Variants in GLIS3 observed in about 807,000 individuals in gnomAD.
GLIS3 encodes the protein GLIS family zinc finger 3, also known as zinc finger protein GLIS3.
A neutral mutation model predicts 78.6 loss-of-function variants in GLIS3; 53 were observed. The ratio of observed to expected loss-of-function variants is 0.67; its 90% CI spans 0.54 to 0.85. The LOEUF is 0.85. GLIS3 is among the 40% of genes least tolerant of loss of function. The pLI, the probability that GLIS3 is intolerant of heterozygous loss-of-function variation, is 0.00. For missense variants in GLIS3, 1,703 were observed against 1,231.1 expected (o/e 1.38, Z -5.74); for synonymous variants, 684 against 509.9 (o/e 1.34, Z -4.60).
intron 2 of GLIS3, among the ~76,000 whole-genome samples, chr9:4,259,915 C>T (rs544812285): frequency 3.3e-5 from 5 of 152,324 alleles, no homozygotes; most frequent in Admixed American, 3.3e-4. Flanking sequence ...AAAGGACCTA[C>T]TTATGCTCTT....
At chr9:4,234,254 C>A (rs767833862) in intron 2 of GLIS3, among the ~76,000 whole-genome samples, 1 of 152,204 alleles carries the variant, frequency 6.6e-6, no homozygotes, top group Non-Finnish European at 1.5e-5. Flanking sequence ...TTTAGACATG[C>A]CTTCCTCAAT....
rs116089081 is a variant in GLIS3, at chr9:4,000,977, C to G, written c.1711-63788G>C. ...AATTTTTCTATTTATATTGTCTCCC[C>G]TCCTTTGCCTGTGAGATTTTTGTAG... On this transcript the variant is annotated intron_variant, in intron 4 of 10. Transcript: ENST00000381971. Among the ~76,000 whole-genome samples, 809 of 152,282 alleles carry G rather than the reference C, an allele frequency of 5.3e-3. 8 individuals carry two copies. The highest frequency in any genetic ancestry group is 0.019 in the African/African-American group (778 of 41,554).
At chr9:4,153,356 G>T (rs1834822352) in intron 2 of GLIS3, among the ~76,000 whole-genome samples, 1 of 152,170 alleles carries the variant, frequency 6.6e-6, no homozygotes, top group Non-Finnish European at 1.5e-5. Flanking sequence ...TTGAGGTCAG[G>T]AGTTCAAGAC....
intron 4 of GLIS3, among the ~76,000 whole-genome samples, chr9:4,106,570 T>C (rs1458928074): frequency 6.6e-6 from 1 of 152,212 alleles, no homozygotes; most frequent in Non-Finnish European, 1.5e-5. Context: ...GGACCAAAAG[T>C]GTCCATAGAG....
chr9:4,026,573 A>G (rs1270717574), intron 4 of GLIS3, among the ~76,000 whole-genome samples: 1 of 152,222 alleles, frequency 6.6e-6, no homozygotes, highest in Non-Finnish European at 1.5e-5. Flanking sequence ...AGACAGAAGG[A>G]AAAAAATTCA....
intron 2 of GLIS3, among the ~76,000 whole-genome samples, chr9:4,316,224 G>C (rs1009143176): frequency 2.6e-5 from 4 of 152,160 alleles, no homozygotes; most frequent in African/African-American, 7.2e-5. Context: ...AAATTGTAAA[G>C]AATAATCATT....
chr9:4,326,404 A>G (rs10814936), intron 2 of GLIS3, among the ~76,000 whole-genome samples: 16,580 of 152,242 alleles, frequency 0.11, 1,953 homozygotes, highest in African/African-American at 0.3. Context: ...GACACATGCT[A>G]CAACATGGAC....
At chr9:4,195,235 G>C (rs1482978934) in intron 2 of GLIS3, among the ~76,000 whole-genome samples, 1 of 147,132 alleles carries the variant, frequency 6.8e-6, no homozygotes, top group Admixed American at 6.7e-5. Flanking sequence ...CTGCACTGTG[G>C]GAGCCCCTGT....
chr9:4,385,490 C>A, the GLIS3 span, among the ~76,000 whole-genome samples: 2 of 151,762 alleles, frequency 1.3e-5, no homozygotes, highest in Admixed American at 1.3e-4. Flanking sequence ...ATGGCATAAC[C>A]CTGTCTCTAC....
chr9:4,249,833 T>G (rs1194859127), intron 2 of GLIS3, among the ~76,000 whole-genome samples: 1 of 152,220 alleles, frequency 6.6e-6, no homozygotes, highest in Non-Finnish European at 1.5e-5. Flanking sequence ...CATGAAGCTG[T>G]GTTGAATTTT....
intron 2 of GLIS3, among the ~76,000 whole-genome samples, chr9:4,256,739 C>G (rs1314517747): frequency 6.6e-6 from 1 of 152,146 alleles, no homozygotes; most frequent in Admixed American, 6.5e-5. Context: ...TGAGTAATTA[C>G]ACAGTAGAAT....
chr9:4,182,491 G>C (rs1439095821), intron 2 of GLIS3, among the ~76,000 whole-genome samples: 1 of 152,204 alleles, frequency 6.6e-6, no homozygotes, highest in Non-Finnish European at 1.5e-5. Flanking sequence ...TATCATCAGT[G>C]ACAGTATAGG....
At chr9:3,887,367 A>G (rs1822150710) in intron 7 of GLIS3, among the ~76,000 whole-genome samples, 1 of 152,202 alleles carries the variant, frequency 6.6e-6, no homozygotes. Flanking sequence ...GGCAACGGAT[A>G]AACAAATGTG....
chr9:4,434,040 G>C, the GLIS3 span, among the ~76,000 whole-genome samples: 2 of 148,552 alleles, frequency 1.3e-5, no homozygotes, highest in African/African-American at 2.5e-5. Context: ...AGGTTGCAGT[G>C]AGCCGAGATT....
At chr9:3,991,881 G>T (rs538703686) in intron 4 of GLIS3, among the ~76,000 whole-genome samples, 2 of 151,680 alleles carry the variant, frequency 1.3e-5, no homozygotes, top group Non-Finnish European at 2.9e-5. Context: ...TAGTAGAGAC[G>T]GGGTTTCACC....
At chr9:3,863,679 T>C (rs920392330) in intron 8 of GLIS3, among the ~76,000 whole-genome samples, 1 of 152,162 alleles carries the variant, frequency 6.6e-6, no homozygotes, top group Non-Finnish European at 1.5e-5. Context: ...CAAATACTTT[T>C]TGAAGGAGAT....
chr9:4,307,548 C>CA (rs140891244), intron 4 of GLIS3, among the ~76,000 whole-genome samples: 20,408 of 151,140 alleles, frequency 0.14, 1,595 homozygotes, highest in Non-Finnish European at 0.17. Flanking sequence ...TGCATCCCAA[C>CA]AAAAAAAAAT....
At chr9:4,232,094 A>C (rs1394598824) in intron 2 of GLIS3, among the ~76,000 whole-genome samples, 2 of 152,226 alleles carry the variant, frequency 1.3e-5, no homozygotes, top group Non-Finnish European at 2.9e-5. Flanking sequence ...TGAAACAGAC[A>C]GGACTGGGCA....
At position 4,227,296 on chromosome 9, in the gene GLIS3, G is replaced by A. The variant is rs190249373; in HGVS notation, c.388+58742C>T. 2.3e-4 allele frequency among the ~76,000 whole-genome samples: 23 copies of A among 98,802 alleles called. No homozygotes were observed. In the South Asian group the frequency reaches 6.3e-3, roughly 27 times the overall value. The allele number at this position is 98,802 out of a possible 152,430, so 64.8% of individuals were successfully genotyped here. ...ACTCCTAAAGATGGTTCTGGGTCACGTTATGTTACCAAAAAAAAAAAAAAA... is the reference window on the plus strand; with the variant it reads ...ACTCCTAAAGATGGTTCTGGGTCACATTATGTTACCAAAAAAAAAAAAAAA... On this transcript the variant is annotated intron_variant, in intron 2 of 10. Coordinates refer to ENST00000381971, the MANE Select transcript of GLIS3 (RefSeq NM_001042413.2).
Sources: gnomAD v4.1 joint callset for allele counts (sites outside exome capture counted in the v4.1 genomes callset) on GRCh38, gnomAD v4.1.1 for gene constraint, MANE v1.5 for transcripts, NCBI Gene and HGNC (gene_info 2026-07-23, HGNC 2026-07-21) for gene names.